Variants in FBXW11 observed in about 807,000 individuals in gnomAD.
The protein encoded by FBXW11 is F-box/WD repeat-containing protein 11.
FBXW11 carries 19 observed loss-of-function variants against 77.6 expected under a neutral mutation model. The observed-to-expected ratio is 0.24, with a 90% confidence interval of 0.17 to 0.36. FBXW11 has a LOEUF of 0.36. Among genes scored for constraint, FBXW11 ranks in the 10% least tolerant of loss-of-function variants. The pLI is 1.00. For missense variants in FBXW11, 334 were observed against 704.2 expected (o/e 0.47, Z 5.95); for synonymous variants, 235 against 249.4 (o/e 0.94, Z 0.54).
rs376142107 is a variant in FBXW11 at position 171,868,616 on chromosome 5, C to A, written c.*19G>T. On this transcript the variant is annotated 3_prime_UTR_variant, in exon 13 of 14. Coordinates refer to ENST00000517395, the MANE Select transcript of FBXW11 (RefSeq NM_001378974.1). ...GGGAGAGGATAGTACTCACCTGAAACGGGTGAAAGTGCAGACTGTTATCTA... is the reference window on the plus strand; with the variant it reads ...GGGAGAGGATAGTACTCACCTGAAAAGGGTGAAAGTGCAGACTGTTATCTA... 2 of 1,606,604 alleles carry A rather than the reference C, an allele frequency of 1.2e-6. No individual in the cohort carries two copies. The highest frequency in any genetic ancestry group is 1.1e-5 in the South Asian group (1 of 90,162).
chr5:171,935,680 C>T (rs1414688419), intron 2 of FBXW11, among the ~76,000 whole-genome samples: 1 of 151,984 alleles, frequency 6.6e-6, no homozygotes, highest in African/African-American at 2.4e-5. Flanking sequence ...ACACACCAAG[C>T]AAGGCATCAG....
Position 171,900,551 on chromosome 5 carries a change from T to A in FBXW11, c.437-451A>T, listed in dbSNP as rs73801499. Among the ~76,000 whole-genome samples the A allele has an allele frequency of 6.9e-3, 1,044 of 152,254 alleles. 14 individuals are homozygous for A. The highest frequency in any genetic ancestry group is 0.024 in the African/African-American group (1,007 of 41,554). On this transcript the variant is annotated intron_variant, in intron 4 of 13. Transcript: ENST00000517395. ...TTGTGTTCATTCCCATCTTACTCAC[T>A]GTCTCTCATAACAAATCATATCCCC...
chr5:171,933,346 T>C (rs573974669), intron 2 of FBXW11, among the ~76,000 whole-genome samples: 1 of 152,110 alleles, frequency 6.6e-6, no homozygotes, highest in Non-Finnish European at 1.5e-5. Context: ...AATTAGTGAT[T>C]GTCAGGAAGG....
intron 1 of FBXW11, among the ~76,000 whole-genome samples, chr5:171,958,980 T>C (rs1341388639): frequency 1.3e-5 from 2 of 151,746 alleles, no homozygotes; most frequent in African/African-American, 2.4e-5. Context: ...AGTGGATAAA[T>C]TCTATTATCA....
intron 3 of FBXW11, 71 bp from the exon 4 acceptor site, chr5:171,910,868 A>AG: frequency 9.1e-7 from 1 of 1,102,782 alleles, no homozygotes; most frequent in South Asian, 1.7e-5. Flanking sequence ...CATTAGAAAT[A>AG]TTTTTCACCC....
chr5:171,974,956 G>A (rs1013710418), intron 1 of FBXW11, among the ~76,000 whole-genome samples: 19 of 152,052 alleles, frequency 1.2e-4, no homozygotes, highest in African/African-American at 3.6e-4. Flanking sequence ...CACCACGCCC[G>A]GTTAATTTTG....
At chr5:171,922,058 T>C (rs1260004788) in intron 2 of FBXW11, among the ~76,000 whole-genome samples, 1 of 149,120 alleles carries the variant, frequency 6.7e-6, no homozygotes, top group African/African-American at 2.5e-5. Flanking sequence ...AGGGGAAAAG[T>C]TGGAAACAAA....
At chr5:171,993,333 T>C (rs1052319156) in intron 1 of FBXW11, among the ~76,000 whole-genome samples, 1 of 151,934 alleles carries the variant, frequency 6.6e-6, no homozygotes, top group Non-Finnish European at 1.5e-5. Flanking sequence ...AACAATATAC[T>C]CTGGGTGTGG....
chr5:171,902,897 G>C (rs1357588799), intron 4 of FBXW11, among the ~76,000 whole-genome samples: 1 of 152,140 alleles, frequency 6.6e-6, no homozygotes, highest in Non-Finnish European at 1.5e-5. Flanking sequence ...TTATTCTTGG[G>C]TTGGGGGGAT....
intron 4 of FBXW11, among the ~76,000 whole-genome samples, chr5:171,902,275 C>T (rs1199939530): frequency 1.3e-5 from 2 of 152,172 alleles, no homozygotes; most frequent in African/African-American, 2.4e-5. Context: ...TTCATGTTCC[C>T]GTGCTGGGGT....
chr5:171,998,743 G>A (rs989236358), intron 1 of FBXW11, among the ~76,000 whole-genome samples: 5 of 148,576 alleles, frequency 3.4e-5, no homozygotes, highest in African/African-American at 1.0e-4. Flanking sequence ...GCTGCAGTGA[G>A]CTGAGATCGT....
chr5:171,950,410 G>GAA (rs796632462), intron 2 of FBXW11, among the ~76,000 whole-genome samples: 53 of 138,402 alleles, frequency 3.8e-4, no homozygotes, highest in African/African-American at 1.4e-3. Context: ...AAAATGGAAA[G>GAA]AAAAAAAAAA....
At chr5:171,923,638 A>G (rs921510473) in intron 2 of FBXW11, among the ~76,000 whole-genome samples, 1 of 152,204 alleles carries the variant, frequency 6.6e-6, no homozygotes. Context: ...ATAGTTTAAA[A>G]TATCAATTTA....
chr5:171,972,553 T>C (rs527987846), intron 1 of FBXW11, among the ~76,000 whole-genome samples: 8 of 149,914 alleles, frequency 5.3e-5, no homozygotes, highest in Admixed American at 4.0e-4. Flanking sequence ...ACTAAAACTT[T>C]TTTTTTTTTG....
intron 6 of FBXW11, among the ~76,000 whole-genome samples, chr5:171,897,114 C>T (rs1759794392): frequency 6.6e-6 from 1 of 152,144 alleles, no homozygotes; most frequent in African/African-American, 2.4e-5. Context: ...ACTGTTTAAC[C>T]TTTTTAACCT....
intron 2 of FBXW11, among the ~76,000 whole-genome samples, chr5:171,943,673 T>A (rs1430140204): frequency 2.0e-5 from 3 of 152,094 alleles, no homozygotes; most frequent in Non-Finnish European, 2.9e-5. Context: ...ATGGTCTCAA[T>A]CTCCTGACCT....
chr5:171,927,607 G>A (rs958723788), intron 2 of FBXW11, among the ~76,000 whole-genome samples: 3 of 152,180 alleles, frequency 2.0e-5, no homozygotes, highest in Non-Finnish European at 2.9e-5. Context: ...ATATGTAAGT[G>A]AAAATTGTTT....
chr5:171,952,856 T>C (rs968731514), intron 2 of FBXW11, among the ~76,000 whole-genome samples: 4 of 151,986 alleles, frequency 2.6e-5, no homozygotes, highest in African/African-American at 7.3e-5. Context: ...TATGAGATTT[T>C]TTTTCTTTCG....
chr5:171,952,422 C>CATACATATATAT (rs1331758426), intron 2 of FBXW11, among the ~76,000 whole-genome samples: 1 of 14,644 alleles, frequency 6.8e-5, no homozygotes, highest in African/African-American at 1.9e-4. Context: ...TGTGTACATA[C>CATACATATATAT]ATATATATAT....
Sources: allele counts gnomAD v4.1 joint callset (sites outside exome capture counted in the v4.1 genomes callset), GRCh38; gene constraint gnomAD v4.1.1; transcripts MANE v1.5; gene names NCBI Gene and HGNC (gene_info 2026-07-23, HGNC 2026-07-21).